The following RBFOX1 variants were observed in gnomAD, a reference collection of about 807,000 sequenced individuals.
RBFOX1 encodes RNA binding protein fox-1 homolog 1.
RBFOX1 carries 8 observed loss-of-function variants against 57.7 expected under a neutral mutation model. The ratio of observed to expected loss-of-function variants is 0.14; its 90% CI spans 0.08 to 0.25. The LOEUF is 0.25. RBFOX1 is among the 10% of genes least tolerant of loss of function. The pLI is 1.00. For missense variants in RBFOX1, 611 were observed against 548.5 expected, an observed-to-expected ratio of 1.11 and a Z score of -1.14; for synonymous variants, 326 against 222.4, an observed-to-expected ratio of 1.47 and a Z score of -4.15.
intron 2 of RBFOX1, among the ~76,000 whole-genome samples, chr16:6,555,108 G>A (rs1370369206): frequency 6.6e-6 from 1 of 152,134 alleles, no homozygotes; most frequent in Non-Finnish European, 1.5e-5. Context: ...ATAAGGGGGT[G>A]CCTCCATTCT....
intron 2 of RBFOX1, among the ~76,000 whole-genome samples, chr16:6,338,917 C>T (rs1020350161): frequency 5.9e-5 from 9 of 152,054 alleles, no homozygotes; most frequent in African/African-American, 2.2e-4. Context: ...TCTCATAATG[C>T]AGGAGAATGA....
chr16:6,805,071 A>G (rs1218132953), intron 3 of RBFOX1, among the ~76,000 whole-genome samples: 4 of 152,178 alleles, frequency 2.6e-5, no homozygotes, highest in East Asian at 3.9e-4. Context: ...AAATTATTCT[A>G]CCATAAAGAC....
At chr16:6,555,073 G>A (rs535089730) in intron 2 of RBFOX1, among the ~76,000 whole-genome samples, 2 of 152,122 alleles carry the variant, frequency 1.3e-5, no homozygotes, top group Admixed American at 1.3e-4. Flanking sequence ...AAAAATTCTT[G>A]CACATGGAAA....
intron 3 of RBFOX1, among the ~76,000 whole-genome samples, chr16:6,764,055 G>T (rs2076994378): frequency 6.6e-6 from 1 of 152,136 alleles, no homozygotes; most frequent in Non-Finnish European, 1.5e-5. Context: ...ACTGTACTTG[G>T]GTGACCTTAT....
At chr16:6,464,243 T>C (rs953232100) in intron 2 of RBFOX1, among the ~76,000 whole-genome samples, 2 of 152,212 alleles carry the variant, frequency 1.3e-5, no homozygotes, top group Non-Finnish European at 2.9e-5. Context: ...ATTTTGGTAC[T>C]ACTGTGAGTA....
chr16:7,649,476 G>T (rs1255575107), intron 11 of RBFOX1, among the ~76,000 whole-genome samples: 2 of 152,200 alleles, frequency 1.3e-5, no homozygotes, highest in Non-Finnish European at 2.9e-5. Context: ...AGTCCAGCAT[G>T]TCTTGGCCTC....
intron 4 of RBFOX1, among the ~76,000 whole-genome samples, chr16:5,879,217 T>C (rs2057698507): frequency 6.6e-6 from 1 of 152,198 alleles, no homozygotes; most frequent in African/African-American, 2.4e-5. Flanking sequence ...ATGCAGTATC[T>C]CAAGAAGGCT....
intron 2 of RBFOX1, among the ~76,000 whole-genome samples, chr16:5,525,695 G>C (rs3892160): frequency 6.6e-6 from 1 of 151,292 alleles, no homozygotes. Context: ...ACAGGGTTTC[G>C]TCATGTTGGC....
intron 4 of RBFOX1, among the ~76,000 whole-genome samples, chr16:7,342,209 C>T (rs1737194013): frequency 6.6e-6 from 1 of 152,188 alleles, no homozygotes. Flanking sequence ...TCCACTTCCT[C>T]ATCTGTAAAA....
chr16:7,090,836 C>A (rs2060714002), intron 4 of RBFOX1, among the ~76,000 whole-genome samples: 1 of 152,162 alleles, frequency 6.6e-6, no homozygotes, highest in South Asian at 2.1e-4. Context: ...CTGAGCTGAG[C>A]ACCAGGCTAC....
At chr16:6,804,567 C>T (rs947785464) in intron 3 of RBFOX1, among the ~76,000 whole-genome samples, 2 of 152,142 alleles carry the variant, frequency 1.3e-5, no homozygotes, top group East Asian at 1.9e-4. Context: ...TATGTGGCTA[C>T]TGTGGAAGCT....
chr16:6,692,232 G>T (rs2060303931), intron 3 of RBFOX1, among the ~76,000 whole-genome samples: 1 of 152,146 alleles, frequency 6.6e-6, no homozygotes, highest in African/African-American at 2.4e-5. Flanking sequence ...CTAACTCAGT[G>T]ACCTCCCTGT....
chr16:7,201,200 T>C (rs190081290), intron 4 of RBFOX1, among the ~76,000 whole-genome samples: 2 of 152,310 alleles, frequency 1.3e-5, no homozygotes, highest in African/African-American at 4.8e-5. Context: ...AAGTCTGGTA[T>C]ATGCACCTCT....
At chr16:6,719,904 C>G (rs1310557304) in intron 3 of RBFOX1, among the ~76,000 whole-genome samples, 2 of 151,824 alleles carry the variant, frequency 1.3e-5, no homozygotes, top group South Asian at 4.2e-4. Flanking sequence ...ACCAGCCTGG[C>G]CATCATGGTG....
intron 3 of RBFOX1, among the ~76,000 whole-genome samples, chr16:5,811,739 A>G (rs1475916292): frequency 6.6e-6 from 1 of 152,196 alleles, no homozygotes; most frequent in East Asian, 1.9e-4. Context: ...GTGAGCCACC[A>G]CACTAGGCCA....
intron 1 of RBFOX1, among the ~76,000 whole-genome samples, chr16:6,204,817 G>A (rs1239810110): frequency 6.6e-6 from 1 of 152,110 alleles, no homozygotes; most frequent in South Asian, 2.1e-4. Context: ...GTGCCTGCAT[G>A]TGTGTTCCTC....
intron 14 of RBFOX1, among the ~76,000 whole-genome samples, chr16:7,677,126 T>TACACACACACACACACAC (rs1314598196): frequency 5.7e-3 from 294 of 51,204 alleles, no homozygotes; most frequent in Admixed American, 0.015. Context: ...CTTGCTCACA[T>TACACACACACACACACAC]ACACATACAC....
intron 3 of RBFOX1, among the ~76,000 whole-genome samples, chr16:7,048,213 G>A (rs1003850186): frequency 6.6e-6 from 1 of 150,654 alleles, no homozygotes; most frequent in Non-Finnish European, 1.5e-5. Flanking sequence ...AAAAAATTTA[G>A]TTATTTTTAT....
At chr16:6,255,136 T>C (rs2097652567) in intron 1 of RBFOX1, among the ~76,000 whole-genome samples, 1 of 152,086 alleles carries the variant, frequency 6.6e-6, no homozygotes, top group African/African-American at 2.4e-5. Context: ...AAAGAAAGTC[T>C]GTGGATTAGA....
Sources: allele counts gnomAD v4.1 joint callset (sites outside exome capture counted in the v4.1 genomes callset), GRCh38; gene constraint gnomAD v4.1.1; transcripts MANE v1.5; gene names NCBI Gene and HGNC (gene_info 2026-07-23, HGNC 2026-07-21).